Variants in ERBB4 observed in about 807,000 individuals in gnomAD.
The protein encoded by ERBB4 is receptor tyrosine-protein kinase erbB-4.
A neutral mutation model predicts 158.0 loss-of-function variants in ERBB4; 42 were observed. The ratio of observed to expected loss-of-function variants is 0.27; its 90% CI spans 0.21 to 0.34. The LOEUF (loss-of-function observed/expected upper bound fraction) is 0.34, where lower values mean the gene tolerates loss of function less well. Among genes scored for constraint, ERBB4 ranks in the 10% least tolerant of loss-of-function variants. The probability of loss-of-function intolerance (pLI) is 1.00; values close to 1 mark genes in which losing one functional copy is unlikely to be tolerated. For synonymous variants in ERBB4, 583 were observed against 558.7 expected (o/e 1.04, Z -0.61); for missense variants, 1,333 against 1,624.1 (o/e 0.82, Z 3.08).
chr2:211,610,322 T>C (rs1463787956), intron 19 of ERBB4, among the ~76,000 whole-genome samples: 1 of 152,166 alleles, frequency 6.6e-6, no homozygotes, highest in Admixed American at 6.5e-5. Flanking sequence ...TCATGCCATA[T>C]AATGCAAACC....
At chr2:212,079,479 T>G (rs537651056) in intron 2 of ERBB4, among the ~76,000 whole-genome samples, 1 of 152,242 alleles carries the variant, frequency 6.6e-6, no homozygotes, top group East Asian at 1.9e-4. Context: ...TGTATAGAAT[T>G]TGCTGAATGA....
chr2:211,732,929 A>G (rs2074474845), intron 5 of ERBB4, among the ~76,000 whole-genome samples: 1 of 152,198 alleles, frequency 6.6e-6, no homozygotes, highest in African/African-American at 2.4e-5. Context: ...GTGAGCCAAG[A>G]TCATGCCATT....
intron 2 of ERBB4, among the ~76,000 whole-genome samples, chr2:212,022,462 T>A (rs1453650827): frequency 6.6e-6 from 1 of 152,056 alleles, no homozygotes; most frequent in Non-Finnish European, 1.5e-5. Context: ...TGTTCTCACT[T>A]ACAAGTAGGA....
At chr2:211,504,416 A>C (rs1335413615) in intron 20 of ERBB4, among the ~76,000 whole-genome samples, 1 of 151,940 alleles carries the variant, frequency 6.6e-6, no homozygotes, top group East Asian at 1.9e-4. Context: ...CCTACCCAAC[A>C]TGTGCAACAG....
At chr2:212,058,820 C>T (rs2077665874) in intron 2 of ERBB4, among the ~76,000 whole-genome samples, 2 of 152,044 alleles carry the variant, frequency 1.3e-5, no homozygotes. Flanking sequence ...TATGACAAAC[C>T]CACAGCCAAT....
intron 1 of ERBB4, among the ~76,000 whole-genome samples, chr2:212,406,911 A>C (rs1305459547): frequency 1.3e-5 from 2 of 152,040 alleles, no homozygotes; most frequent in Non-Finnish European, 2.9e-5. Flanking sequence ...TGAACATGCC[A>C]TGCTTTCAAC....
chr2:212,417,282 G>T (rs1193583692), intron 1 of ERBB4, among the ~76,000 whole-genome samples: 1 of 151,902 alleles, frequency 6.6e-6, no homozygotes, highest in Non-Finnish European at 1.5e-5. Context: ...TTTCTTAAAA[G>T]AAAAACAAGT....
chr2:211,662,038 C>CA lies in ERBB4; in HGVS notation c.1871+3284dup, dbSNP rs61318918. Among the ~76,000 whole-genome samples, 18 of 39,706 alleles carry CA rather than the reference C, an allele frequency of 4.5e-4. 1 individual carries two copies. The highest frequency in any genetic ancestry group is 5.4e-4 in the Non-Finnish European group (12 of 22,150). 26.0% of individuals were successfully genotyped at this position (39,706 alleles called of 152,430 possible). A position where few individuals can be genotyped will look rare whatever the true frequency, so the allele number is the denominator to read the frequency against. ...TGGGCGACAGAGCGGGACTCCGTCT[C>CA]AAAAAAAAAAAAAAAAAAAAAAAAA... On this transcript the variant is annotated intron_variant, in intron 15 of 27. Coordinates refer to ENST00000342788, the MANE Select transcript of ERBB4 (RefSeq NM_005235.3).
rs1207261310 is a variant in ERBB4 at position 211,418,930 on chromosome 2, A to G, written c.3135+1511T>C. 2.6e-5 allele frequency among the ~76,000 whole-genome samples: 4 copies of G among 152,120 alleles called. No homozygotes were observed. In the East Asian group the frequency reaches 5.8e-4, roughly 22 times the overall value. On this transcript the variant is annotated intron_variant, in intron 25 of 27. Coordinates refer to ENST00000342788, the MANE Select transcript of ERBB4 (RefSeq NM_005235.3). ...TGTGATAAAGTTTTCAGTTTGTACT[A>G]TAATATTTTTTAACAGAAAAGAAAA...
intron 3 of ERBB4, among the ~76,000 whole-genome samples, chr2:211,940,788 C>G (rs1304666481): frequency 2.6e-5 from 4 of 152,072 alleles, no homozygotes; most frequent in African/African-American, 9.7e-5. Context: ...CTTATTTCTC[C>G]TCAGATTTCT....
At chr2:211,425,866 T>C (rs1034040897) in intron 22 of ERBB4, among the ~76,000 whole-genome samples, 1 of 151,956 alleles carries the variant, frequency 6.6e-6, no homozygotes, top group East Asian at 1.9e-4. Flanking sequence ...TATTTTTTAG[T>C]AGATAAAGGG....
intron 2 of ERBB4, among the ~76,000 whole-genome samples, chr2:211,997,913 A>AT (rs2082239381): frequency 8.3e-6 from 1 of 120,424 alleles, no homozygotes; most frequent in South Asian, 2.3e-4. Context: ...CACACATCAC[A>AT]CACACACACA....
chr2:211,404,530 A>G (rs1031644304), intron 25 of ERBB4, among the ~76,000 whole-genome samples: 1 of 152,294 alleles, frequency 6.6e-6, no homozygotes, highest in East Asian at 1.9e-4. Flanking sequence ...AATAAAATAG[A>G]AAATTTACTA....
chr2:211,740,622 CTTTTTT>C (rs1169540948), intron 5 of ERBB4, among the ~76,000 whole-genome samples: 1 of 90,174 alleles, frequency 1.1e-5, no homozygotes, highest in Non-Finnish European at 2.0e-5. Flanking sequence ...TTTTCTTTGT[CTTTTTT>C]TTTTTTTTTT....
At chr2:212,217,134 T>C (rs1021749738) in intron 1 of ERBB4, among the ~76,000 whole-genome samples, 1 of 151,406 alleles carries the variant, frequency 6.6e-6, no homozygotes, top group Non-Finnish European at 1.5e-5. Flanking sequence ...GATGCTAGAA[T>C]ATAATTTTCA....
chr2:212,419,093 A>C (rs947214908), intron 1 of ERBB4, among the ~76,000 whole-genome samples: 1 of 148,752 alleles, frequency 6.7e-6, no homozygotes, highest in Admixed American at 6.7e-5. Flanking sequence ...TGTATACAGT[A>C]CTCTTCCTTC....
chr2:211,810,833 C>T (rs1047498177), intron 3 of ERBB4, among the ~76,000 whole-genome samples: 5 of 151,504 alleles, frequency 3.3e-5, no homozygotes, highest in African/African-American at 9.7e-5. Flanking sequence ...CCACCGCGCC[C>T]GGCTAATTTT....
intron 2 of ERBB4, among the ~76,000 whole-genome samples, chr2:212,035,362 C>T (rs1445719288): frequency 3.3e-5 from 5 of 152,232 alleles, no homozygotes; most frequent in Middle Eastern, 3.4e-3. Flanking sequence ...TGCTTTAGAG[C>T]GCTATGACTT....
intron 2 of ERBB4, among the ~76,000 whole-genome samples, chr2:211,952,319 T>A (rs2080895296): frequency 6.6e-6 from 1 of 152,138 alleles, no homozygotes; most frequent in South Asian, 2.1e-4. Flanking sequence ...AACAAGTTAA[T>A]AATGGTAGGA....
Sources: allele counts gnomAD v4.1 joint callset (sites outside exome capture counted in the v4.1 genomes callset), GRCh38; gene constraint gnomAD v4.1.1; transcripts MANE v1.5; gene names NCBI Gene and HGNC (gene_info 2026-07-23, HGNC 2026-07-21).